Variants in IGSF21 observed in about 807,000 individuals in gnomAD.
The protein encoded by IGSF21 is immunoglobin superfamily member 21.
A neutral mutation model predicts 46.8 loss-of-function variants in IGSF21; 28 were observed. The observed-to-expected ratio is 0.60, with a 90% CI of 0.44 to 0.82. The LOEUF is 0.82. Ranked by LOEUF, IGSF21 falls within the 40% of genes least tolerant of loss-of-function variation. The pLI is 0.00. For synonymous variants in IGSF21, 284 were observed against 273.6 expected (o/e 1.04, Z -0.38); for missense variants, 624 against 665.5 (o/e 0.94, Z 0.69).
chr1:18,295,140 G>A (rs1262047513), intron 3 of IGSF21, among the ~76,000 whole-genome samples: 1 of 152,146 alleles, frequency 6.6e-6, no homozygotes, highest in Non-Finnish European at 1.5e-5. Context: ...ATGGAAGTCG[G>A]GTGGATCATC....
intron 2 of IGSF21, among the ~76,000 whole-genome samples, chr1:18,284,404 C>T (rs1316902534): frequency 6.6e-6 from 1 of 152,212 alleles, no homozygotes; most frequent in Non-Finnish European, 1.5e-5. Context: ...GCAAGGACTC[C>T]CACTTGATAG....
At chr1:18,373,602 C>T (rs370746379) in intron 6 of IGSF21, among the ~76,000 whole-genome samples, 7 of 152,272 alleles carry the variant, frequency 4.6e-5, no homozygotes, top group African/African-American at 1.2e-4. Flanking sequence ...TTCTGCCCAC[C>T]CTCTGTGCCC....
intron 5 of IGSF21, 120 bp downstream of exon 5, chr1:18,362,350 C>T: frequency 4.3e-6 from 3 of 692,990 alleles, no homozygotes; most frequent in South Asian, 3.5e-5. Context: ...AGGGCTGACT[C>T]TGTCCCCATC....
chr1:18,332,486 C>T (rs1432941627), intron 3 of IGSF21, among the ~76,000 whole-genome samples: 3 of 143,228 alleles, frequency 2.1e-5, no homozygotes, highest in Non-Finnish European at 3.2e-5. Context: ...CATGCCATCT[C>T]TCTCTGAGTC....
chr1:18,128,106 G>A (rs9659175), intron 1 of IGSF21, among the ~76,000 whole-genome samples: 5,304 of 152,190 alleles, frequency 0.035, 149 homozygotes, highest in East Asian at 0.098. Context: ...CTTACTACTC[G>A]TTTATCCAAT....
chr1:18,222,850 A>G (rs2084523962), intron 1 of IGSF21, among the ~76,000 whole-genome samples: 1 of 152,136 alleles, frequency 6.6e-6, no homozygotes, highest in Non-Finnish European at 1.5e-5. Flanking sequence ...TCTCTTGGAA[A>G]CAGCTCCCTT....
At chr1:18,174,054 T>C (rs927241848) in intron 1 of IGSF21, among the ~76,000 whole-genome samples, 1 of 152,174 alleles carries the variant, frequency 6.6e-6, no homozygotes, top group African/African-American at 2.4e-5. Flanking sequence ...GCGCCTGGCC[T>C]CTTTGAATTT....
intron 5 of IGSF21, among the ~76,000 whole-genome samples, chr1:18,363,022 T>C (rs937094672): frequency 6.6e-6 from 1 of 152,168 alleles, no homozygotes; most frequent in Non-Finnish European, 1.5e-5. Flanking sequence ...AGGACCCTTT[T>C]GGTCTAAATG....
intron 1 of IGSF21, among the ~76,000 whole-genome samples, chr1:18,138,328 G>A (rs1052723648): frequency 1.3e-5 from 2 of 152,094 alleles, no homozygotes; most frequent in Non-Finnish European, 2.9e-5. Context: ...CCATCCTTAC[G>A]ATGGCCTGAG....
At chr1:18,153,750 G>A (rs1026272509) in intron 1 of IGSF21, among the ~76,000 whole-genome samples, 2 of 152,068 alleles carry the variant, frequency 1.3e-5, no homozygotes, top group African/African-American at 4.8e-5. Context: ...GGGACACGAA[G>A]GGACCAGGAC....
chr1:18,246,312 T>C (rs897598068), intron 2 of IGSF21, among the ~76,000 whole-genome samples: 3 of 151,986 alleles, frequency 2.0e-5, no homozygotes, highest in African/African-American at 7.2e-5. Context: ...CTGCCTCAGG[T>C]CCCACCCCTT....
chr1:18,290,755 C>A lies in IGSF21; in HGVS notation c.184-1111C>A, dbSNP rs552036745. ...GACAGATTCACACTCCAATCCTCAC[C>A]TTTTTGCCTGGGGAAGCTGCTTTCA... is the stretch of plus-strand genomic sequence containing the variant. On this transcript the variant is annotated intron_variant, in intron 2 of 9. Coordinates refer to ENST00000251296, the MANE Select transcript of IGSF21 (RefSeq NM_032880.5). The surrounding 1 kb of genome is among the most constrained non-coding windows in gnomAD (Gnocchi z 4.2). 3.4e-4 allele frequency among the ~76,000 whole-genome samples: 52 copies of A among 152,142 alleles called. No individual in the cohort carries two copies. Among genetic ancestry groups the A allele is most frequent in the Admixed American group, 9.8e-4 (15 of 15,280 alleles).
intron 1 of IGSF21, among the ~76,000 whole-genome samples, chr1:18,207,534 A>G (rs752930497): frequency 2.6e-5 from 4 of 152,244 alleles, no homozygotes; most frequent in Admixed American, 6.5e-5. Flanking sequence ...TTACAAAGTC[A>G]GGACTACAAT....
intron 6 of IGSF21, chr1:18,376,059 A>G (rs2086277505): frequency 4.8e-6 from 2 of 416,794 alleles, no homozygotes; most frequent in Non-Finnish European, 9.0e-6. Flanking sequence ...ACCCCCCAAG[A>G]GCAGGAATCA....
At chr1:18,265,330 G>C (rs934420128) in intron 2 of IGSF21, among the ~76,000 whole-genome samples, 1 of 152,170 alleles carries the variant, frequency 6.6e-6, no homozygotes, top group Non-Finnish European at 1.5e-5. Flanking sequence ...CAGAAGTAGG[G>C]TTCAGCCTGA....
intron 1 of IGSF21, among the ~76,000 whole-genome samples, chr1:18,198,905 C>A (rs780432934): frequency 6.6e-6 from 1 of 152,100 alleles, no homozygotes; most frequent in Non-Finnish European, 1.5e-5. Context: ...CTCTCCCCTG[C>A]CCCCTCTGCC....
intron 2 of IGSF21, among the ~76,000 whole-genome samples, chr1:18,282,376 G>A (rs2085169493): frequency 6.6e-6 from 1 of 152,102 alleles, no homozygotes. Context: ...TCGAATGTCT[G>A]GCATCTATCT....
intron 2 of IGSF21, among the ~76,000 whole-genome samples, chr1:18,282,925 A>G (rs146861267): frequency 6.6e-6 from 1 of 152,280 alleles, no homozygotes; most frequent in African/African-American, 2.4e-5. Flanking sequence ...GCAGCCTGGA[A>G]ACACACCTAT....
At chr1:18,373,505 G>A (rs1296724094) in intron 6 of IGSF21, among the ~76,000 whole-genome samples, 1 of 152,222 alleles carries the variant, frequency 6.6e-6, no homozygotes, top group African/African-American at 2.4e-5. Flanking sequence ...AAAAGAGGGA[G>A]TCAGGGACCA....
Sources: gnomAD v4.1 joint callset for allele counts (sites outside exome capture counted in the v4.1 genomes callset) on GRCh38, gnomAD v4.1.1 for gene constraint, Gnocchi (gnomAD v3.1) non-coding constraint, MANE v1.5 for transcripts, NCBI Gene and HGNC (gene_info 2026-07-23, HGNC 2026-07-21) for gene names.